Variants in CUBN observed in about 807,000 individuals in gnomAD.
CUBN encodes cubilin.
CUBN carries 282 observed loss-of-function variants against 405.3 expected under a neutral mutation model. That is an observed-to-expected ratio of 0.70 (90% CI 0.63 to 0.77). The LOEUF is 0.77. CUBN is among the 30% of genes least tolerant of loss of function. CUBN has a pLI of 0.00. For synonymous variants in CUBN, 1,684 were observed against 1,617.0 expected (o/e 1.04, Z -0.99); for missense variants, 4,514 against 4,475.2 (o/e 1.01, Z -0.25).
intron 60 of CUBN, among the ~76,000 whole-genome samples, chr10:16,848,112 C>CA (rs1420121950): frequency 2.0e-5 from 3 of 152,094 alleles, no homozygotes; most frequent in Admixed American, 1.3e-4. Context: ...TATTTTGAAG[C>CA]AAGAAAATAA....
intron 29 of CUBN, among the ~76,000 whole-genome samples, chr10:16,990,052 G>A (rs1381946180): frequency 2.0e-5 from 3 of 152,202 alleles, no homozygotes; most frequent in African/African-American, 7.2e-5. Context: ...CCCTCTGCTG[G>A]TTCCCCCTCC....
Position 16,918,712 on chromosome 10 carries a change from T to A in CUBN, c.6910A>T (p.Ser2304Cys), listed in dbSNP as rs536300107. 2.5e-6 allele frequency: 4 copies of A among 1,613,884 alleles called. No homozygotes were observed. The highest frequency in any genetic ancestry group is 2.5e-6 in the Non-Finnish European group (3 of 1,179,912). ...ATAACCTCTCCTGAGGACCACTGAC[T>A]GCTGGGCAAAGATGTCCCACAAAAT... is the stretch of plus-strand genomic sequence containing the variant. ...SKFCGTSLPS[S>C]QWSSGEVMYL... The change falls in exon 45 of 67, where the codon AGT becomes TGT. Residue 2304 changes from serine to cysteine, a missense_variant. Physicochemically the swap from Ser to Cys is moderately radical, Grantham distance 112. This residue lies in a region of CUBN where 1,613 missense variants were observed against 1,542.8 expected (regional missense o/e 1.05). Coordinates refer to ENST00000377833, the MANE Select transcript of CUBN (RefSeq NM_001081.4).
Position 16,928,223 on chromosome 10 carries a change from T to C in CUBN, c.6205A>G (p.Met2069Val). 6.2e-7 allele frequency: 1 copy of C among 1,614,002 alleles called. No individual in the cohort carries two copies. The highest frequency in any genetic ancestry group is 8.5e-7 in the Non-Finnish European group (1 of 1,179,912). ...PGPIRSTGEYMFIRFTSDSSV... is the reference protein window; with the variant it reads ...PGPIRSTGEYVFIRFTSDSSV... The stretch of plus-strand genomic sequence containing the variant: ...GAGTCCGAGGTGAAGCGGATGAACA[T>C]GTACTCTCCAGTAGACCGGATGGGC... The change falls in exon 41 of 67, where the codon ATG becomes GTG. Residue 2069 changes from methionine to valine, a missense_variant. Physicochemically the swap from Met to Val is conservative, Grantham distance 21. Around this residue, in one of 5 missense-constraint regions of CUBN, gnomAD observed 1,613 missense variants for 1,542.8 expected, o/e 1.05. Coordinates refer to ENST00000377833, the MANE Select transcript of CUBN (RefSeq NM_001081.4).
intron 28 of CUBN, among the ~76,000 whole-genome samples, chr10:17,013,061 TGTTACAGA>T (rs1159232070): frequency 6.6e-6 from 1 of 152,194 alleles, no homozygotes; most frequent in Non-Finnish European, 1.5e-5. Context: ...GGTATTGGAG[TGTTACAGA>T]GTTACAGAGA....
intron 28 of CUBN, among the ~76,000 whole-genome samples, chr10:17,005,694 A>G (rs986184260): frequency 6.4e-4 from 97 of 152,124 alleles, no homozygotes; most frequent in Non-Finnish European, 1.0e-4. Flanking sequence ...TGGATTATGT[A>G]TATATTTCTA....
chr10:16,954,463 C>G lies in CUBN; in HGVS notation c.4781G>C (p.Gly1594Ala). The change falls in exon 32 of 67, where the codon GGA becomes GCA. Residue 1594 changes from glycine (G) to alanine (A), a missense_variant. Coordinates refer to ENST00000377833, the MANE Select transcript of CUBN (RefSeq NM_001081.4). ...CTGAAATCTCAAGAAGAGGCTGTTT[C>G]CTGAGGAGACGATGGGGTTAGCCAG... The part of the protein sequence containing the change: ...EQLANPIVSS[G>A]NSLFLRFQSG... 6.2e-7 allele frequency: 1 copy of G among 1,614,104 alleles called. No homozygotes were observed. The highest frequency in any genetic ancestry group is 8.5e-7 in the Non-Finnish European group (1 of 1,180,020).
intron 22 of CUBN, among the ~76,000 whole-genome samples, chr10:17,058,036 C>T (rs1283710112): frequency 1.3e-5 from 2 of 151,982 alleles, no homozygotes; most frequent in Non-Finnish European, 2.9e-5. Flanking sequence ...GCAAGAGAAT[C>T]GCTTGAACCT....
At position 16,925,383 on chromosome 10, in the gene CUBN, G is replaced by T; in HGVS notation, c.6504C>A (p.Pro2168=). The change falls in exon 43 of 67, where the codon CCC becomes CCA. Residue 2168 remains proline (P), a synonymous_variant. Coordinates refer to ENST00000377833, the MANE Select transcript of CUBN (RefSeq NM_001081.4). The stretch of plus-strand genomic sequence containing the variant: ...CACAAAAATGACCATTTCCTCCAGG[G>T]GGTCCCAAGGGTGGAGAACAGATAT... ...GPDICSPPLG[P]PGGNGHFCGS... 2 of 1,613,918 alleles carry T rather than the reference G, an allele frequency of 1.2e-6. No individual in the cohort carries two copies. The highest frequency in any genetic ancestry group is 1.7e-6 in the Non-Finnish European group (2 of 1,179,886).
Position 17,105,587 on chromosome 10 carries a change from T to TA in CUBN, c.1112-13dup. On this transcript the variant is annotated splice_polypyrimidine_tract_variant and intron_variant, in intron 10 of 66. Transcript: ENST00000377833. ...GAGAGGTAAGGAACCTGTTCAGAAA[T>TA]AAAAACAAACGTGTAAATACAGGTC... 1.4e-6 allele frequency: 2 copies of TA among 1,466,016 alleles called. No individual in the cohort carries two copies. The highest frequency in any genetic ancestry group is 1.9e-6 in the Non-Finnish European group (2 of 1,043,838). The allele number at this position is 1,466,016 out of a possible 1,614,324, so 90.8% of individuals were successfully genotyped here.
Position 17,103,127 on chromosome 10 carries a change from T to A in CUBN, c.1528A>T (p.Lys510Ter). ...TGGGCAAGAGTTACTACATTTACCT[T>A]TCCCATTTCAGTTTTGATAACCCAG... ...CFWVIKTEMG[K>*]VLRITFTFFR... The change falls in exon 13 of 67, where the codon AAG (lysine) becomes TAG (stop). Residue 510 changes from lysine to a stop codon, truncating the protein, a stop_gained and splice_region_variant. Coordinates refer to ENST00000377833, the MANE Select transcript of CUBN (RefSeq NM_001081.4). LOFTEE classifies it high-confidence loss of function. 1 of 1,591,406 alleles carries A rather than the reference T, an allele frequency of 6.3e-7. No individual in the cohort carries two copies. The highest frequency in any genetic ancestry group is 8.6e-7 in the Non-Finnish European group (1 of 1,159,320).
At chr10:16,974,865 ATT>A (rs1375103247) in intron 31 of CUBN, among the ~76,000 whole-genome samples, 1 of 151,946 alleles carries the variant, frequency 6.6e-6, no homozygotes, top group Non-Finnish European at 1.5e-5. Context: ...TAGTAAATAT[ATT>A]TTCTCTTCTT....
At chr10:16,932,794 A>G (rs1353514465) in intron 40 of CUBN, among the ~76,000 whole-genome samples, 1 of 152,212 alleles carries the variant, frequency 6.6e-6, no homozygotes, top group Non-Finnish European at 1.5e-5. Flanking sequence ...AGGTATCTCA[A>G]TAGGACAGGT....
At chr10:16,933,847 C>A (rs1400650593) in intron 39 of CUBN, among the ~76,000 whole-genome samples, 1 of 152,132 alleles carries the variant, frequency 6.6e-6, no homozygotes, top group Non-Finnish European at 1.5e-5. Context: ...GTCAGTTTCT[C>A]ATTAGCTGTA....
chr10:16,848,493 T>C (rs1342855757), intron 60 of CUBN, among the ~76,000 whole-genome samples: 1 of 152,090 alleles, frequency 6.6e-6, no homozygotes, highest in African/African-American at 2.4e-5. Flanking sequence ...GTAGGTACTA[T>C]TATGTGATTT....
chr10:16,929,310 C>T (rs945331175), intron 40 of CUBN, among the ~76,000 whole-genome samples: 1 of 152,082 alleles, frequency 6.6e-6, no homozygotes, highest in African/African-American at 2.4e-5. Flanking sequence ...TTGATCAAAG[C>T]CCCTGTGCCG....
intron 31 of CUBN, among the ~76,000 whole-genome samples, chr10:16,974,429 C>T (rs1833029852): frequency 6.8e-6 from 1 of 146,344 alleles, no homozygotes; most frequent in South Asian, 2.2e-4. Flanking sequence ...ACAATTAACT[C>T]TTTTTTTTTT....
intron 13 of CUBN, among the ~76,000 whole-genome samples, chr10:17,102,624 T>G (rs141801459): frequency 8.7e-6 from 1 of 115,110 alleles, no homozygotes; most frequent in East Asian, 2.4e-4. Flanking sequence ...TTTTTTTTTG[T>G]GAGATGGAGT....
chr10:17,122,867 C>T lies in CUBN; in HGVS notation c.521G>A (p.Cys174Tyr), dbSNP rs987455499. 1 of 1,613,530 alleles carries T rather than the reference C, an allele frequency of 6.2e-7. No homozygotes were observed. Among genetic ancestry groups the T allele is most frequent in the Non-Finnish European group, 8.5e-7 (1 of 1,179,816 alleles). The stretch of plus-strand genomic sequence containing the variant: ...CAAGGGTGTTCCTGAGTAAATCTCA[C>T]ATTCGTTAACATCAGCTGAGCAGAG... Reference protein sequence around the residue: ...GPLCSADVNECEIYSGTPLSC... With the variant: ...GPLCSADVNEYEIYSGTPLSC... The change falls in exon 6 of 67, where the codon TGT becomes TAT. Residue 174 changes from cysteine (C) to tyrosine (Y), a missense_variant. Cys to Tyr is a radical substitution (Grantham distance 194). Transcript: ENST00000377833.
At chr10:16,837,075 C>T (rs189457246) in intron 62 of CUBN, among the ~76,000 whole-genome samples, 254 of 152,116 alleles carry the variant, frequency 1.7e-3, no homozygotes, top group Admixed American at 1.4e-3. Flanking sequence ...GCTTGCAAAA[C>T]TCCTGTAACT....
Sources: gnomAD v4.1 joint callset for allele counts (sites outside exome capture counted in the v4.1 genomes callset) on GRCh38, gnomAD v4.1.1 for gene constraint, gnomAD v4.1.1 regional missense constraint, MANE v1.5 for transcripts, NCBI Gene and HGNC (gene_info 2026-07-23, HGNC 2026-07-21) for gene names.